The following DRD2 variants were observed in gnomAD, a reference collection of about 807,000 sequenced individuals.
The protein encoded by DRD2 is dopamine receptor D2.
A neutral mutation model predicts 38.0 loss-of-function variants in DRD2; 8 were observed. The ratio of observed to expected loss-of-function variants is 0.21; its 90% CI spans 0.12 to 0.38. The LOEUF (loss-of-function observed/expected upper bound fraction) is 0.38, where lower values mean the gene tolerates loss of function less well. Among genes scored for constraint, DRD2 ranks in the 10% least tolerant of loss-of-function variants. The pLI, the probability that DRD2 is intolerant of heterozygous loss-of-function variation, is 1.00. For missense variants in DRD2, 403 were observed against 607.7 expected (o/e 0.66, Z 3.54); for synonymous variants, 230 against 238.6 (o/e 0.96, Z 0.33).
chr11:113,422,956 G>A (rs1215924127), intron 2 of DRD2, among the ~76,000 whole-genome samples: 1 of 152,174 alleles, frequency 6.6e-6, no homozygotes. Context: ...CTCAGGGAAG[G>A]AAGGTAACGG....
intron 1 of DRD2, among the ~76,000 whole-genome samples, chr11:113,446,078 A>G (rs1951145470): frequency 6.6e-6 from 1 of 152,150 alleles, no homozygotes; most frequent in South Asian, 2.1e-4. Flanking sequence ...GCTTCCTGCC[A>G]GACCTCAGCG....
intron 1 of DRD2, chr11:113,450,077 G>A (rs184176277): frequency 6.5e-6 from 1 of 154,704 alleles, no homozygotes; most frequent in Admixed American, 6.5e-5. Context: ...GAAGTAGTGG[G>A]AGGTGGCTGG....
intron 1 of DRD2, among the ~76,000 whole-genome samples, chr11:113,446,174 G>A (rs201406125): frequency 6.6e-6 from 1 of 151,966 alleles, no homozygotes; most frequent in Non-Finnish European, 1.5e-5. Flanking sequence ...CTTCCCACTC[G>A]CCCCTTTCCA....
chr11:113,422,456 G>T (rs1198582916), intron 2 of DRD2, among the ~76,000 whole-genome samples: 2 of 152,232 alleles, frequency 1.3e-5, no homozygotes, highest in East Asian at 3.9e-4. Context: ...TTTCCCTATG[G>T]TCTGAGACCT....
At chr11:113,414,240 C>T (rs1006468897) in intron 6 of DRD2, 135 bp downstream of exon 6, 2 of 836,292 alleles carry the variant, frequency 2.4e-6, no homozygotes, top group Non-Finnish European at 4.2e-6. Flanking sequence ...GGTGAGTCTG[C>T]CTTCAGCTGA....
At chr11:113,432,290 C>CTT (rs1490625987) in intron 1 of DRD2, among the ~76,000 whole-genome samples, 2 of 6,794 alleles carry the variant, frequency 2.9e-4, no homozygotes, top group Admixed American at 1.6e-3. Context: ...TCCTCTCTTT[C>CTT]TCTCTCTCTC....
chr11:113,455,534 T>C (rs1408601409), intron 1 of DRD2, among the ~76,000 whole-genome samples: 1 of 151,970 alleles, frequency 6.6e-6, no homozygotes, highest in African/African-American at 2.4e-5. Flanking sequence ...AAATCATACA[T>C]CAGATAAGGA....
chr11:113,421,209 G>T (rs568164146), intron 2 of DRD2, among the ~76,000 whole-genome samples: 66 of 152,202 alleles, frequency 4.3e-4, no homozygotes, highest in African/African-American at 1.6e-3. Context: ...ATTTCTCCCT[G>T]AAAGTCTTCC....
intron 1 of DRD2, among the ~76,000 whole-genome samples, chr11:113,435,333 G>A (rs1475189907): frequency 6.6e-6 from 1 of 151,630 alleles, no homozygotes; most frequent in African/African-American, 2.4e-5. Context: ...CTCAGTGTGG[G>A]GGGGGGTGGG....
At chr11:113,419,634 C>T (rs1950865921) in intron 2 of DRD2, among the ~76,000 whole-genome samples, 1 of 152,074 alleles carries the variant, frequency 6.6e-6, no homozygotes, top group Admixed American at 6.6e-5. Context: ...CAGGGAGATG[C>T]ACCTTTGGCT....
rs147708938 is a variant in DRD2 at position 113,444,751 on chromosome 11, CA to C, written c.-31-20070del. Reference sequence around the variant, plus strand: ...TAGGGACTAAGGGTACAACGTTGAACAAGAGAGGCAAGCTCCATTGTCCTCA... The same window carrying C: ...TAGGGACTAAGGGTACAACGTTGAACAGAGAGGCAAGCTCCATTGTCCTCA... On this transcript the variant is annotated intron_variant, in intron 1 of 7. Coordinates refer to ENST00000362072, the MANE Select transcript of DRD2 (RefSeq NM_000795.4). Among the ~76,000 whole-genome samples, 561 of 152,314 alleles carry C rather than the reference CA, an allele frequency of 3.7e-3. 4 individuals carry two copies. The highest frequency in any genetic ancestry group is 0.013 in the African/African-American group (537 of 41,566).
intron 4 of DRD2, among the ~76,000 whole-genome samples, chr11:113,415,894 A>G (rs745734581): frequency 3.3e-5 from 5 of 152,248 alleles, no homozygotes; most frequent in Admixed American, 6.5e-5. Flanking sequence ...TAGTTTTGCC[A>G]TGTCTGGGCA....
intron 1 of DRD2, among the ~76,000 whole-genome samples, chr11:113,428,490 G>A (rs1474588962): frequency 6.6e-6 from 1 of 152,218 alleles, no homozygotes; most frequent in Non-Finnish European, 1.5e-5. Context: ...TGGGGATGAG[G>A]GCTGTGGTCC....
chr11:113,413,286 CT>C (rs1435456758), intron 6 of DRD2: 2 of 551,474 alleles, frequency 3.6e-6, no homozygotes, highest in East Asian at 4.8e-5. Context: ...GTGCCCACCC[CT>C]GTTCTCCCTG....
At chr11:113,425,181 C>T (rs538343691) in intron 1 of DRD2, among the ~76,000 whole-genome samples, 6 of 152,294 alleles carry the variant, frequency 3.9e-5, no homozygotes, top group Non-Finnish European at 7.4e-5. Flanking sequence ...CAAGCAATTA[C>T]ATCTAAGGGT....
At chr11:113,468,667 C>T (rs1000637738) in intron 1 of DRD2, among the ~76,000 whole-genome samples, 37 of 152,190 alleles carry the variant, frequency 2.4e-4, no homozygotes, top group African/African-American at 8.4e-4. Flanking sequence ...CCTGCCTCAG[C>T]CTCCTGAGTA....
chr11:113,469,592 G>A (rs1379224565), intron 1 of DRD2, among the ~76,000 whole-genome samples: 1 of 152,124 alleles, frequency 6.6e-6, no homozygotes, highest in Non-Finnish European at 1.5e-5. Flanking sequence ...GGAATAATAA[G>A]GGTTACTCTG....
At chr11:113,464,464 CCTCA>C (rs1427510863) in intron 1 of DRD2, among the ~76,000 whole-genome samples, 3 of 152,204 alleles carry the variant, frequency 2.0e-5, no homozygotes, top group African/African-American at 7.2e-5. Context: ...ACTTCCCCTC[CCTCA>C]CTGTCTTTGG....
chr11:113,415,668 C>T, intron 4 of DRD2, 57 bp from the exon 5 acceptor site: 1 of 1,546,410 alleles, frequency 6.5e-7, no homozygotes, highest in Non-Finnish European at 8.8e-7. Context: ...GGCCATAATT[C>T]CACAAGAGCC....
Sources: gnomAD v4.1 joint callset for allele counts (sites outside exome capture counted in the v4.1 genomes callset) on GRCh38, gnomAD v4.1.1 for gene constraint, MANE v1.5 for transcripts, NCBI Gene and HGNC (gene_info 2026-07-23, HGNC 2026-07-21) for gene names.